USH2A: variants seen among roughly 807,000 people sequenced by gnomAD.
USH2A encodes the protein Usher syndrome 2A (autosomal recessive, mild).
USH2A carries 443 observed loss-of-function variants against 538.9 expected under a neutral mutation model. That is an observed-to-expected ratio of 0.82 (90% CI 0.76 to 0.89). USH2A has a LOEUF of 0.89. Among genes scored for constraint, USH2A ranks in the 40% least tolerant of loss-of-function variants. The pLI, the probability that USH2A is intolerant of heterozygous loss-of-function variation, is 0.00. For synonymous variants in USH2A, 2,413 were observed against 2,273.5 expected, an observed-to-expected ratio of 1.06 and a Z score of -1.75; for missense variants, 6,633 against 6,324.8, an observed-to-expected ratio of 1.05 and a Z score of -1.65.
intron 40 of USH2A, among the ~76,000 whole-genome samples, chr1:215,897,278 T>G (rs771717004): frequency 5.3e-5 from 8 of 152,154 alleles, no homozygotes; most frequent in South Asian, 2.1e-4. Flanking sequence ...TGGAAAGCTG[T>G]GAGGCTGTGG....
chr1:216,310,627 C>G (rs147138177), intron 9 of USH2A, among the ~76,000 whole-genome samples: 39 of 152,274 alleles, frequency 2.6e-4, no homozygotes, highest in Middle Eastern at 3.4e-3. Flanking sequence ...ATGGTGAGAG[C>G]TACTAGTGAA....
intron 21 of USH2A, among the ~76,000 whole-genome samples, chr1:216,129,905 A>G (rs1292684592): frequency 6.6e-6 from 1 of 152,146 alleles, no homozygotes; most frequent in African/African-American, 2.4e-5. Flanking sequence ...ATAAATCTGC[A>G]TATTTACAGC....
chr1:216,101,880 T>C (rs1276660206), intron 21 of USH2A, among the ~76,000 whole-genome samples: 1 of 152,228 alleles, frequency 6.6e-6, no homozygotes, highest in African/African-American at 2.4e-5. Flanking sequence ...ATCCATGGCC[T>C]AACATTCTAA....
At chr1:216,251,876 T>C (rs1419353540) in intron 11 of USH2A, among the ~76,000 whole-genome samples, 1 of 152,232 alleles carries the variant, frequency 6.6e-6, no homozygotes, top group African/African-American at 2.4e-5. Context: ...TAACAATGTT[T>C]AATGTTATTT....
chr1:216,254,368 T>G (rs1055125741), intron 11 of USH2A, among the ~76,000 whole-genome samples: 1 of 152,080 alleles, frequency 6.6e-6, no homozygotes, highest in South Asian at 2.1e-4. Context: ...CTAAAACCAA[T>G]TGCTGTCCAC....
At chr1:215,999,187 C>G (rs1165657698) in intron 33 of USH2A, 129 bp from the exon 34 acceptor site, 5 of 834,084 alleles carry the variant, frequency 6.0e-6, no homozygotes, top group Non-Finnish European at 9.3e-6. Flanking sequence ...AAAATTGATT[C>G]ATTTAAAATA....
intron 63 of USH2A, among the ~76,000 whole-genome samples, chr1:215,671,975 C>A (rs189339331): frequency 2.0e-5 from 3 of 152,212 alleles, no homozygotes; most frequent in Non-Finnish European, 4.4e-5. Flanking sequence ...CCTTGCGGGG[C>A]CAAAGTTAAC....
At chr1:216,404,144 A>G (rs1003623345) in intron 3 of USH2A, among the ~76,000 whole-genome samples, 9 of 152,180 alleles carry the variant, frequency 5.9e-5, no homozygotes, top group South Asian at 2.1e-4. Context: ...AATGCCAATA[A>G]AAGAGGACCT....
At chr1:216,170,165 A>G (rs778223176) in intron 21 of USH2A, among the ~76,000 whole-genome samples, 1 of 152,156 alleles carries the variant, frequency 6.6e-6, no homozygotes, top group South Asian at 2.1e-4. Context: ...ACTAAAAATA[A>G]GAAGACTAAT....
intron 11 of USH2A, among the ~76,000 whole-genome samples, chr1:216,251,442 C>CTTTTTTTTT (rs779947689): frequency 2.5e-5 from 2 of 80,386 alleles, no homozygotes; most frequent in Non-Finnish European, 4.6e-5. Flanking sequence ...ACCACTTCCC[C>CTTTTTTTTT]TTTTTTTTTT....
chr1:216,190,130 A>T (rs367686810), intron 20 of USH2A, 93 bp downstream of exon 20: 12 of 1,540,754 alleles, frequency 7.8e-6, no homozygotes, highest in Non-Finnish European at 1.1e-5. Flanking sequence ...GGAGAAGACA[A>T]ATATAAAGTC....
At chr1:216,261,405 A>C (rs1408842082) in intron 11 of USH2A, among the ~76,000 whole-genome samples, 1 of 150,768 alleles carries the variant, frequency 6.6e-6, no homozygotes, top group Non-Finnish European at 1.5e-5. Context: ...GTTAGAGCCC[A>C]GGAGTTTGAG....
At chr1:216,221,181 G>T in intron 14 of USH2A, among the ~76,000 whole-genome samples, 1 of 152,160 alleles carries the variant, frequency 6.6e-6, no homozygotes, top group East Asian at 1.9e-4. Context: ...TGTAGCTCTA[G>T]TAACAAGTTA....
At position 216,097,232 on chromosome 1, in the gene USH2A, T is replaced by C. The variant is rs1419056619; in HGVS notation, c.4628-19A>G. 2.5e-6 allele frequency: 4 copies of C among 1,614,084 alleles called. No homozygotes were observed. Among genetic ancestry groups the C allele is most frequent in the African/African-American group, 1.3e-5 (1 of 75,056 alleles). ...TTAATGCCTGGTAAGACAAGTGTGATCAGCAAATCAGTGCTGGGGTTTTGT... is the reference window on the plus strand; with the variant it reads ...TTAATGCCTGGTAAGACAAGTGTGACCAGCAAATCAGTGCTGGGGTTTTGT... On this transcript the variant is annotated intron_variant, in intron 21 of 71. Coordinates refer to ENST00000307340, the MANE Select transcript of USH2A (RefSeq NM_206933.4).
rs780581599 is a variant in USH2A at position 216,394,720 on chromosome 1, C to CTTTTTT, written c.651+23788_651+23793dup. On this transcript the variant is annotated intron_variant, in intron 3 of 71. Transcript: ENST00000307340. ...CTTAAGGCCTAATAACTGGTCCAGT[C>CTTTTTT]TTTTTTTTTTTTTTTTGAGACAGAG... Among the ~76,000 whole-genome samples, 41 of 120,318 alleles carry CTTTTTT rather than the reference C, an allele frequency of 3.4e-4. 3 individuals are homozygous for CTTTTTT. Among genetic ancestry groups the CTTTTTT allele is most frequent in the East Asian group, 8.4e-4 (3 of 3,552 alleles). 78.9% of individuals were successfully genotyped at this position (120,318 alleles called of 152,430 possible).
intron 36 of USH2A, among the ~76,000 whole-genome samples, chr1:215,969,228 AGTACCAAGGGAGAAAATAACTCT>A (rs1256256822): frequency 3.9e-5 from 6 of 152,160 alleles, no homozygotes; most frequent in African/African-American, 1.4e-4. Flanking sequence ...CATAAAGAAA[AGTACCAAGGGAGAAAATAACTCT>A]GTGCTGTAAG....
intron 21 of USH2A, among the ~76,000 whole-genome samples, chr1:216,123,384 C>T (rs552446706): frequency 4.6e-5 from 7 of 152,310 alleles, no homozygotes; most frequent in Middle Eastern, 3.4e-3. Flanking sequence ...TGGTCATGTT[C>T]ATCAGCTAGT....
chr1:216,316,321 G>A (rs2037508589), intron 9 of USH2A, among the ~76,000 whole-genome samples: 1 of 152,112 alleles, frequency 6.6e-6, no homozygotes, highest in African/African-American at 2.4e-5. Context: ...AAAGAAATAG[G>A]AGTTAACAAT....
At chr1:216,256,348 T>C (rs1403295315) in intron 11 of USH2A, among the ~76,000 whole-genome samples, 1 of 150,548 alleles carries the variant, frequency 6.6e-6, no homozygotes, top group Non-Finnish European at 1.5e-5. Context: ...CTGTTTTGTG[T>C]TATTTTATAT....
Sources: allele counts gnomAD v4.1 joint callset (sites outside exome capture counted in the v4.1 genomes callset), GRCh38; gene constraint gnomAD v4.1.1; transcripts MANE v1.5; gene names NCBI Gene and HGNC (gene_info 2026-07-23, HGNC 2026-07-21).